The following GRIK3 variants were observed in gnomAD, a reference collection of about 807,000 sequenced individuals.
The protein encoded by GRIK3 is glutamate ionotropic receptor kainate type subunit 3, also known as glutamate receptor ionotropic, kainate 3.
In GRIK3, 29 loss-of-function variants were observed where a neutral mutation model predicts 102.5. That is an observed-to-expected ratio of 0.28 (90% confidence interval 0.21 to 0.39). The LOEUF (loss-of-function observed/expected upper bound fraction) is 0.39, where lower values mean the gene tolerates loss of function less well. Ranked by LOEUF, GRIK3 falls within the 10% of genes least tolerant of loss-of-function variation. The pLI, the probability that GRIK3 is intolerant of heterozygous loss-of-function variation, is 1.00. For missense variants in GRIK3, 908 were observed against 1,252.4 expected (o/e 0.73, Z 4.15); for synonymous variants, 511 against 504.9 (o/e 1.01, Z -0.16).
intron 1 of GRIK3, among the ~76,000 whole-genome samples, chr1:36,945,456 C>T (rs143458519): frequency 2.0e-3 from 310 of 152,340 alleles, no homozygotes; most frequent in African/African-American, 7.0e-3. Context: ...ACCCAAGTGT[C>T]AATCATAGGC....
At chr1:36,975,670 G>A (rs575927982) in intron 1 of GRIK3, among the ~76,000 whole-genome samples, 3 of 152,356 alleles carry the variant, frequency 2.0e-5, no homozygotes, top group African/African-American at 7.2e-5. Context: ...AATTGTGAAG[G>A]AGGAATTTAA....
chr1:36,825,377 C>T (rs929272076), intron 11 of GRIK3, among the ~76,000 whole-genome samples: 10 of 152,086 alleles, frequency 6.6e-5, no homozygotes, highest in African/African-American at 1.7e-4. Flanking sequence ...TAGACACAGA[C>T]GAGGGTGAGG....
At chr1:36,822,516 C>T (rs568431594) in intron 11 of GRIK3, among the ~76,000 whole-genome samples, 1 of 152,296 alleles carries the variant, frequency 6.6e-6, no homozygotes, top group South Asian at 2.1e-4. Flanking sequence ...GGGAAGGTGT[C>T]ATCTGGAGTT....
At chr1:36,893,578 C>T (rs534498961) in intron 1 of GRIK3, among the ~76,000 whole-genome samples, 9 of 152,188 alleles carry the variant, frequency 5.9e-5, no homozygotes, top group African/African-American at 2.2e-4. Flanking sequence ...AAAGAGATAC[C>T]TGCTTAACTG....
chr1:36,960,728 C>T (rs560506263), intron 1 of GRIK3, among the ~76,000 whole-genome samples: 188 of 152,356 alleles, frequency 1.2e-3, no homozygotes, highest in South Asian at 0.012. Flanking sequence ...GAGGCTGCTC[C>T]ATTCACCCCC....
chr1:36,943,076 A>G (rs932471003), intron 1 of GRIK3, among the ~76,000 whole-genome samples: 2 of 152,200 alleles, frequency 1.3e-5, no homozygotes, highest in African/African-American at 4.8e-5. Context: ...AAGGATGACT[A>G]TGGTGTCCCT....
At chr1:36,836,432 TTGGG>T (rs1640379646) in intron 10 of GRIK3, among the ~76,000 whole-genome samples, 1 of 152,240 alleles carries the variant, frequency 6.6e-6, no homozygotes, top group Non-Finnish European at 1.5e-5. Context: ...ATGCCAGGTG[TTGGG>T]ACAGCAGCCA....
intron 1 of GRIK3, among the ~76,000 whole-genome samples, chr1:36,933,784 G>T (rs992742851): frequency 6.6e-6 from 1 of 152,208 alleles, no homozygotes; most frequent in Non-Finnish European, 1.5e-5. Context: ...TGTGACGGAG[G>T]TCATGTCCCT....
At position 36,805,006 on chromosome 1, in the gene GRIK3, T is replaced by G; in HGVS notation, c.2546A>C (p.Lys849Thr). 6.2e-7 allele frequency: 1 copy of G among 1,614,224 alleles called. No homozygotes were observed. The highest frequency in any genetic ancestry group is 1.3e-5 in the African/African-American group (1 of 75,060). The part of the protein sequence containing the change: ...AVGEFVYKLR[K>T]TAEREQRSFC... ...GCTTACCTGCTCTCTCTCTGCTGTT[T>G]TGCGGAGCTTGTACACAAACTCGCC... is the stretch of plus-strand genomic sequence containing the variant. Residue 849 changes from lysine (K) to threonine (T), a missense_variant, in exon 15 of 16, where the codon AAA becomes ACA. Lys to Thr is a moderately conservative substitution (Grantham distance 78). Coordinates refer to ENST00000373091, the MANE Select transcript of GRIK3 (RefSeq NM_000831.4).
intron 1 of GRIK3, among the ~76,000 whole-genome samples, chr1:37,010,314 A>G (rs1642580414): frequency 6.6e-6 from 1 of 152,198 alleles, no homozygotes; most frequent in African/African-American, 2.4e-5. Context: ...AGAAATGGAT[A>G]CTTATTCTTT....
chr1:36,994,992 A>G (rs1460667671), intron 1 of GRIK3, among the ~76,000 whole-genome samples: 2 of 152,240 alleles, frequency 1.3e-5, no homozygotes, highest in South Asian at 2.1e-4. Context: ...GAGCTCACAC[A>G]TGAGACGGAC....
intron 1 of GRIK3, among the ~76,000 whole-genome samples, chr1:36,954,512 T>G (rs555649239): frequency 2.0e-5 from 3 of 152,296 alleles, no homozygotes; most frequent in Admixed American, 2.0e-4. Flanking sequence ...ACTCCAGGGT[T>G]CTGGGCAAGG....
intron 15 of GRIK3, chr1:36,804,780 G>A: frequency 1.6e-6 from 1 of 621,240 alleles, no homozygotes; most frequent in Non-Finnish European, 2.8e-6. Flanking sequence ...AGGTGATGGG[G>A]CTTGGCCTGG....
chr1:37,031,252 GCAGACTA>G (rs1184559268), intron 1 of GRIK3, among the ~76,000 whole-genome samples: 2 of 151,878 alleles, frequency 1.3e-5, no homozygotes, highest in Admixed American at 1.3e-4. Flanking sequence ...ATTTTTTCTC[GCAGACTA>G]CAATCCAATC....
chr1:36,813,663 G>A (rs966901551), intron 13 of GRIK3, among the ~76,000 whole-genome samples: 6 of 152,002 alleles, frequency 3.9e-5, no homozygotes, highest in African/African-American at 1.2e-4. Flanking sequence ...CACCTGGCCC[G>A]GGGGGAAGGT....
chr1:36,980,709 C>T lies in GRIK3; in HGVS notation c.115+53285G>A, dbSNP rs77814477. 5.0e-3 allele frequency among the ~76,000 whole-genome samples: 754 copies of T among 152,118 alleles called. 6 individuals carry two copies. Among genetic ancestry groups the T allele is most frequent in the African/African-American group, 0.017 (716 of 41,480 alleles). On this transcript the variant is annotated intron_variant, in intron 1 of 15. Transcript: ENST00000373091. ...GTATCTTCTTCCCTACCCAGTCCCA[C>T]ACATGGGGAACAGAGCATAACCGAA...
chr1:37,030,552 C>CCT (rs1157077606), intron 1 of GRIK3, among the ~76,000 whole-genome samples: 14 of 135,674 alleles, frequency 1.0e-4, no homozygotes, highest in African/African-American at 4.0e-4. Context: ...ACCCCCTCCC[C>CCT]CCCCCCAACA....
rs567947295 is a variant in GRIK3, at chr1:36,852,884, T to C, written c.1212+731A>G. 6.0e-4 allele frequency among the ~76,000 whole-genome samples: 92 copies of C among 152,298 alleles called. 1 individual carries two copies. The highest frequency in any genetic ancestry group is 1.0e-3 in the Non-Finnish European group (69 of 68,016). On this transcript the variant is annotated intron_variant, in intron 8 of 15. Transcript: ENST00000373091. The stretch of plus-strand genomic sequence containing the variant: ...GGATGCTGTGAATTGAGGGCTCGTA[T>C]TAAATCTCCCTTCTTGGCCCAGCAG...
intron 3 of GRIK3, among the ~76,000 whole-genome samples, chr1:36,875,340 TG>T (rs1303964010): frequency 6.6e-6 from 1 of 152,254 alleles, no homozygotes; most frequent in Non-Finnish European, 1.5e-5. Context: ...ACAAAGCTCG[TG>T]GGGCAAACAC....
Sources: allele counts gnomAD v4.1 joint callset (sites outside exome capture counted in the v4.1 genomes callset), GRCh38; gene constraint gnomAD v4.1.1; transcripts MANE v1.5; gene names NCBI Gene and HGNC (gene_info 2026-07-23, HGNC 2026-07-21).